NRXN1: variants seen among roughly 807,000 people sequenced by gnomAD.
The protein encoded by NRXN1 is neurexin-1.
NRXN1 carries 39 observed loss-of-function variants against 150.9 expected under a neutral mutation model. The ratio of observed to expected loss-of-function variants is 0.26; its 90% CI spans 0.20 to 0.34. NRXN1 has a LOEUF of 0.34. Ranked by LOEUF, NRXN1 falls within the 10% of genes least tolerant of loss-of-function variation. The probability of loss-of-function intolerance (pLI) is 1.00; values close to 1 mark genes in which losing one functional copy is unlikely to be tolerated. For missense variants in NRXN1, 1,815 were observed against 1,949.9 expected (o/e 0.93, Z 1.30); for synonymous variants, 924 against 757.0 (o/e 1.22, Z -3.62).
At chr2:50,262,650 T>A (rs2068410609) in intron 17 of NRXN1, among the ~76,000 whole-genome samples, 1 of 151,942 alleles carries the variant, frequency 6.6e-6, no homozygotes, top group Non-Finnish European at 1.5e-5. Context: ...ATGACTCAGA[T>A]CCAGAAAGGG....
intron 21 of NRXN1, among the ~76,000 whole-genome samples, chr2:50,051,989 T>C (rs555425126): frequency 2.9e-3 from 442 of 152,234 alleles, no homozygotes; most frequent in Middle Eastern, 6.8e-3. Context: ...TTGCATTTTT[T>C]GTATTTTTTG....
rs1681071637 is a variant in NRXN1 at position 49,987,196 on chromosome 2, G to C, written c.4129-43405C>G. ...CTTACTTCCCCCTTTACCTTTCCCA[G>C]CCTACAATTCTGCTCTCTATTTCAA... is the stretch of plus-strand genomic sequence containing the variant. On this transcript the variant is annotated intron_variant, in intron 21 of 22. Transcript: ENST00000401669. Among the ~76,000 whole-genome samples, 3 of 151,750 alleles carry C rather than the reference G, an allele frequency of 2.0e-5. No homozygotes were observed. In the South Asian group the frequency reaches 6.2e-4, roughly 32 times the overall value.
chr2:50,617,051 T>A (rs1346222102), intron 8 of NRXN1, among the ~76,000 whole-genome samples: 1 of 152,154 alleles, frequency 6.6e-6, no homozygotes, highest in Non-Finnish European at 1.5e-5. Flanking sequence ...CCATGATACT[T>A]TGTCACTATT....
At chr2:50,282,187 T>C (rs760204007) in intron 17 of NRXN1, among the ~76,000 whole-genome samples, 30 of 152,184 alleles carry the variant, frequency 2.0e-4, no homozygotes, top group Non-Finnish European at 3.5e-4. Context: ...GTAGAGCCTG[T>C]ATCATAAAGA....
chr2:50,150,069 A>T (rs930238608), intron 18 of NRXN1, among the ~76,000 whole-genome samples: 17 of 151,658 alleles, frequency 1.1e-4, no homozygotes, highest in African/African-American at 1.7e-4. Context: ...GAATTTCTCC[A>T]TTACTCCTGG....
At position 49,919,570 on chromosome 2, in the gene NRXN1, AC is replaced by A. The variant is rs910473386; in HGVS notation, c.*2373del. On this transcript the variant is annotated 3_prime_UTR_variant, in exon 23 of 23. Transcript: ENST00000401669. ...TAGAAAAGCAATCTTAAAAAAAAAAACCCTTCAAGCTGTAAATTAGTAGTTT... is the reference window on the plus strand; with the variant it reads ...TAGAAAAGCAATCTTAAAAAAAAAAACCTTCAAGCTGTAAATTAGTAGTTT... The A allele has an allele frequency of 3.3e-5, 5 of 151,672 alleles. No homozygotes were observed. Among genetic ancestry groups the A allele is most frequent in the African/African-American group, 1.2e-4 (5 of 41,318 alleles). The allele number at this position is 151,672 out of a possible 1,614,324, so 9.4% of individuals were successfully genotyped here. A position where few individuals can be genotyped will look rare whatever the true frequency, so the allele number is the denominator to read the frequency against.
chr2:50,954,094 T>G (rs1408649834), intron 2 of NRXN1, among the ~76,000 whole-genome samples: 3 of 152,156 alleles, frequency 2.0e-5, no homozygotes, highest in African/African-American at 7.2e-5. Flanking sequence ...AGAGTATACA[T>G]TTTAATGAAG....
At chr2:50,482,435 A>AT (rs1173137341) in intron 15 of NRXN1, among the ~76,000 whole-genome samples, 1 of 152,190 alleles carries the variant, frequency 6.6e-6, no homozygotes, top group Non-Finnish European at 1.5e-5. Context: ...TCTCATCCAA[A>AT]TGACAGCCAG....
intron 18 of NRXN1, among the ~76,000 whole-genome samples, chr2:50,123,736 T>C (rs1357705284): frequency 6.6e-6 from 1 of 152,036 alleles, no homozygotes; most frequent in Non-Finnish European, 1.5e-5. Context: ...TACTGATAGA[T>C]TGGATGTGAG....
chr2:50,410,128 A>C (rs1382236928), intron 17 of NRXN1, among the ~76,000 whole-genome samples: 1 of 152,152 alleles, frequency 6.6e-6, no homozygotes, highest in Non-Finnish European at 1.5e-5. Flanking sequence ...GCAAGGATGT[A>C]GAAACTCGAC....
chr2:50,997,256 A>G (rs1436170969), intron 2 of NRXN1, among the ~76,000 whole-genome samples: 1 of 152,000 alleles, frequency 6.6e-6, no homozygotes, highest in Non-Finnish European at 1.5e-5. Flanking sequence ...CAACACGGCA[A>G]AACCCCATCT....
intron 17 of NRXN1, among the ~76,000 whole-genome samples, chr2:50,361,608 G>A (rs936888981): frequency 2.6e-5 from 4 of 151,610 alleles, no homozygotes; most frequent in African/African-American, 9.7e-5. Context: ...TTCTGAAATT[G>A]AGGCAGTAAT....
chr2:50,860,338 A>T (rs999138537), intron 5 of NRXN1, among the ~76,000 whole-genome samples: 8 of 152,092 alleles, frequency 5.3e-5, no homozygotes, highest in Non-Finnish European at 1.2e-4. Context: ...TATACAAATA[A>T]CAGCAGCCTC....
At chr2:49,955,820 A>G (rs1396562542) in intron 21 of NRXN1, among the ~76,000 whole-genome samples, 1 of 152,174 alleles carries the variant, frequency 6.6e-6, no homozygotes. Flanking sequence ...CACACCAAGA[A>G]ATAGTGTAAG....
chr2:50,145,504 T>A (rs566274370), intron 18 of NRXN1, among the ~76,000 whole-genome samples: 15 of 151,856 alleles, frequency 9.9e-5, no homozygotes, highest in Admixed American at 9.2e-4. Context: ...TTCCTGTCAA[T>A]TGATCCAGAA....
At chr2:50,705,061 C>T (rs1297075367) in intron 5 of NRXN1, among the ~76,000 whole-genome samples, 9 of 151,380 alleles carry the variant, frequency 5.9e-5, no homozygotes, top group African/African-American at 2.2e-4. Flanking sequence ...CACACACACA[C>T]ACACACACAC....
intron 8 of NRXN1, among the ~76,000 whole-genome samples, chr2:50,561,598 G>C (rs1302882721): frequency 6.6e-6 from 1 of 152,164 alleles, no homozygotes; most frequent in Non-Finnish European, 1.5e-5. Flanking sequence ...CTCTGCCATA[G>C]GTCCAGGGTT....
intron 9 of NRXN1, among the ~76,000 whole-genome samples, chr2:50,551,011 G>A (rs13409060): frequency 4.2e-5 from 5 of 119,126 alleles, no homozygotes; most frequent in African/African-American, 1.6e-4. Flanking sequence ...AAGAAGAGGA[G>A]GAGGAAGAGG....
chr2:50,617,779 T>TA lies in NRXN1; in HGVS notation c.1320+2242dup, dbSNP rs200561868. On this transcript the variant is annotated intron_variant, in intron 8 of 22. Transcript: ENST00000401669. ...GGTTTTTCTGGTTAAAAGGCCAATATAAAAAAAAATGAATACTAAGGTAAG... is the reference window on the plus strand; with the variant it reads ...GGTTTTTCTGGTTAAAAGGCCAATATAAAAAAAAAATGAATACTAAGGTAAG... 3.7e-3 allele frequency among the ~76,000 whole-genome samples: 561 copies of TA among 151,294 alleles called. 1 individual carries two copies. Among genetic ancestry groups the TA allele is most frequent in the African/African-American group, 7.2e-3 (299 of 41,272 alleles).
Sources: gnomAD v4.1 joint callset for allele counts (sites outside exome capture counted in the v4.1 genomes callset) on GRCh38, gnomAD v4.1.1 for gene constraint, MANE v1.5 for transcripts, NCBI Gene and HGNC (gene_info 2026-07-23, HGNC 2026-07-21) for gene names.